MAP2K4: variants seen among roughly 807,000 people sequenced by gnomAD.
The protein encoded by MAP2K4 is dual specificity mitogen-activated protein kinase kinase 4.
A neutral mutation model predicts 48.5 loss-of-function variants in MAP2K4; 4 were observed. The ratio of observed to expected loss-of-function variants is 0.08; its 90% CI spans 0.04 to 0.19. MAP2K4 has a LOEUF of 0.19. Ranked by LOEUF, MAP2K4 falls within the 10% of genes least tolerant of loss-of-function variation. The pLI, the probability that MAP2K4 is intolerant of heterozygous loss-of-function variation, is 1.00. For missense variants in MAP2K4, 258 were observed against 493.3 expected (o/e 0.52, Z 4.52); for synonymous variants, 166 against 173.1 (o/e 0.96, Z 0.32).
intron 2 of MAP2K4, among the ~76,000 whole-genome samples, chr17:12,069,034 A>C (rs1597434155): frequency 6.6e-6 from 1 of 152,188 alleles, no homozygotes; most frequent in Non-Finnish European, 1.5e-5. Flanking sequence ...GGCAAAAATT[A>C]AAAGATGCTT....
At chr17:12,035,207 G>A (rs1969555289) in intron 1 of MAP2K4, among the ~76,000 whole-genome samples, 1 of 152,176 alleles carries the variant, frequency 6.6e-6, no homozygotes, top group Admixed American at 6.5e-5. Flanking sequence ...TGGTAAAAGT[G>A]GTCACACTTT....
intron 7 of MAP2K4, among the ~76,000 whole-genome samples, chr17:12,123,683 C>T (rs190402010): frequency 7.9e-5 from 12 of 152,152 alleles, no homozygotes; most frequent in Non-Finnish European, 1.8e-4. Flanking sequence ...ACATTTTCTT[C>T]TGAGCACTAC....
chr17:12,032,715 A>C lies in MAP2K4; in HGVS notation c.115+11714A>C, dbSNP rs28918090. 7.0e-3 allele frequency among the ~76,000 whole-genome samples: 1,070 copies of C among 152,262 alleles called. 12 individuals carry two copies. The highest frequency in any genetic ancestry group is 0.052 in the East Asian group (267 of 5,184). On this transcript the variant is annotated intron_variant, in intron 1 of 10. Transcript: ENST00000353533. The stretch of plus-strand genomic sequence containing the variant: ...TAAACCATACATTGAATATATTTTT[A>C]ATTTTTTTCTTTAAAACAAAACAGT...
intron 2 of MAP2K4, among the ~76,000 whole-genome samples, chr17:12,063,020 TTTA>T: frequency 6.6e-6 from 1 of 152,260 alleles, no homozygotes; most frequent in East Asian, 1.9e-4. Context: ...GGAAAGACAA[TTTA>T]TTATTATTTT....
intron 3 of MAP2K4, among the ~76,000 whole-genome samples, chr17:12,093,269 G>A (rs1971621021): frequency 6.6e-6 from 1 of 152,190 alleles, no homozygotes; most frequent in Non-Finnish European, 1.5e-5. Context: ...TCCTGCCAGT[G>A]CTGATGATCT....
intron 2 of MAP2K4, among the ~76,000 whole-genome samples, chr17:12,063,680 TAAAC>T (rs2151533039): frequency 6.6e-6 from 1 of 152,002 alleles, no homozygotes; most frequent in African/African-American, 2.4e-5. Flanking sequence ...TTTAAGAAAA[TAAAC>T]AGGCAAGGCC....
chr17:12,105,451 A>C (rs985416868), intron 4 of MAP2K4, among the ~76,000 whole-genome samples: 10 of 152,206 alleles, frequency 6.6e-5, no homozygotes, highest in African/African-American at 2.4e-4. Context: ...TTTTCGAATT[A>C]GTTATTGGTA....
At chr17:12,075,405 A>G (rs1312547582) in intron 2 of MAP2K4, among the ~76,000 whole-genome samples, 2 of 152,264 alleles carry the variant, frequency 1.3e-5, no homozygotes, top group East Asian at 1.9e-4. Flanking sequence ...CATACAAATT[A>G]CTGAATTTTT....
chr17:12,068,455 T>TCAA (rs1214656058), intron 2 of MAP2K4, among the ~76,000 whole-genome samples: 6 of 152,190 alleles, frequency 3.9e-5, no homozygotes, highest in African/African-American at 1.2e-4. Context: ...TATCATGACT[T>TCAA]CAATAGTATT....
At chr17:12,129,519 G>T (rs1972961215) in intron 9 of MAP2K4, among the ~76,000 whole-genome samples, 1 of 152,186 alleles carries the variant, frequency 6.6e-6, no homozygotes, top group Non-Finnish European at 1.5e-5. Flanking sequence ...AGCCATGAGT[G>T]GTGGAGAGGC....
rs1471318987 is a variant in MAP2K4, at chr17:12,142,897, G to A, written c.*1637G>A. The A allele has an allele frequency of 1.3e-5, 3 of 232,722 alleles. No homozygotes were observed. The highest frequency in any genetic ancestry group is 5.6e-5 in the Admixed American group (1 of 17,780). 14.4% of individuals were successfully genotyped at this position (232,722 alleles called of 1,614,324 possible). On this transcript the variant is annotated 3_prime_UTR_variant, in exon 11 of 11. Coordinates refer to ENST00000353533, the MANE Select transcript of MAP2K4 (RefSeq NM_003010.4). Reference sequence around the variant, plus strand: ...AAAACAGTCATGGCCTGAGATGCAGGTGATGCCATTACAGAACCAAATCGT... The same window carrying A: ...AAAACAGTCATGGCCTGAGATGCAGATGATGCCATTACAGAACCAAATCGT...
intron 6 of MAP2K4, among the ~76,000 whole-genome samples, chr17:12,112,251 T>C (rs1011572200): frequency 2.0e-5 from 3 of 151,960 alleles, no homozygotes; most frequent in Admixed American, 6.6e-5. Context: ...TCACTTGAGG[T>C]CAGAAGTTCG....
chr17:12,122,598 G>A (rs988137934), intron 7 of MAP2K4, among the ~76,000 whole-genome samples: 5 of 152,156 alleles, frequency 3.3e-5, no homozygotes, highest in African/African-American at 9.7e-5. Flanking sequence ...GGAATTTTCT[G>A]TGTCTGTGAA....
At chr17:12,029,070 TACAC>T (rs1353736617) in intron 1 of MAP2K4, among the ~76,000 whole-genome samples, 3 of 152,144 alleles carry the variant, frequency 2.0e-5, no homozygotes, top group African/African-American at 4.8e-5. Flanking sequence ...TATAAACACT[TACAC>T]ATCCTAAACA....
intron 7 of MAP2K4, among the ~76,000 whole-genome samples, chr17:12,116,727 CAG>C (rs1972509261): frequency 6.6e-6 from 1 of 152,300 alleles, no homozygotes; most frequent in South Asian, 2.1e-4. Context: ...GGAAGGTCCT[CAG>C]GGGCAGTAAC....
chr17:12,056,268 A>G (rs927980137), intron 2 of MAP2K4, among the ~76,000 whole-genome samples: 31 of 152,046 alleles, frequency 2.0e-4, no homozygotes, highest in Non-Finnish European at 2.1e-4. Context: ...GCCTTTTTGG[A>G]CAAGGAGAAA....
chr17:12,104,954 G>C (rs1042716636), intron 4 of MAP2K4, among the ~76,000 whole-genome samples: 5 of 152,102 alleles, frequency 3.3e-5, no homozygotes, highest in Non-Finnish European at 7.4e-5. Context: ...TATATGGAAG[G>C]CCAGTTGTCC....
chr17:12,109,215 G>A lies in MAP2K4; in HGVS notation c.634-1160G>A, dbSNP rs142918643. Among the ~76,000 whole-genome samples, 704 of 151,996 alleles carry A rather than the reference G, an allele frequency of 4.6e-3. 2 individuals carry two copies. The highest frequency in any genetic ancestry group is 0.015 in the African/African-American group (637 of 41,468). ...TGATCCCAGAACCCTGCTCTTAACC[G>A]CTGTATAACAGGGTGACCATGAAAT... is the stretch of plus-strand genomic sequence containing the variant. On this transcript the variant is annotated intron_variant, in intron 5 of 10. Transcript: ENST00000353533.
intron 8 of MAP2K4, among the ~76,000 whole-genome samples, chr17:12,128,369 G>C (rs1203350947): frequency 6.6e-6 from 1 of 152,222 alleles, no homozygotes; most frequent in East Asian, 1.9e-4. Flanking sequence ...GAGCCACTGT[G>C]CCCGGCCTAA....
Sources: gnomAD v4.1 joint callset for allele counts (sites outside exome capture counted in the v4.1 genomes callset) on GRCh38, gnomAD v4.1.1 for gene constraint, MANE v1.5 for transcripts, NCBI Gene and HGNC (gene_info 2026-07-23, HGNC 2026-07-21) for gene names.